CACNA2D3: variants seen among roughly 807,000 people sequenced by gnomAD.
CACNA2D3 encodes voltage-dependent calcium channel subunit alpha-2/delta-3.
CACNA2D3 carries 60 observed loss-of-function variants against 160.6 expected under a neutral mutation model. The observed-to-expected ratio is 0.37, with a 90% CI of 0.30 to 0.46. The LOEUF (loss-of-function observed/expected upper bound fraction) is 0.46, where lower values mean the gene tolerates loss of function less well. Among genes scored for constraint, CACNA2D3 ranks in the 20% least tolerant of loss-of-function variants. The pLI is 1.00. For synonymous variants in CACNA2D3, 558 were observed against 492.9 expected (o/e 1.13, Z -1.75); for missense variants, 1,205 against 1,365.0 (o/e 0.88, Z 1.85).
intron 8 of CACNA2D3, among the ~76,000 whole-genome samples, chr3:54,572,175 A>C (rs939606873): frequency 1.3e-5 from 2 of 152,174 alleles, no homozygotes; most frequent in Non-Finnish European, 2.9e-5. Context: ...TATCCTGCCT[A>C]TACAGGCCTC....
At chr3:54,967,760 G>A (rs956965982) in intron 27 of CACNA2D3, among the ~76,000 whole-genome samples, 2 of 152,114 alleles carry the variant, frequency 1.3e-5, no homozygotes, top group African/African-American at 4.8e-5. Flanking sequence ...TAGTTTTGAG[G>A]TTCCACTAAA....
At chr3:54,816,983 C>T in intron 14 of CACNA2D3, 113 bp downstream of exon 14, 4 of 1,271,402 alleles carry the variant, frequency 3.1e-6, no homozygotes, top group East Asian at 2.4e-5. Context: ...TTTTTTTCCA[C>T]AGCTTCAGAA....
intron 11 of CACNA2D3, among the ~76,000 whole-genome samples, chr3:54,695,593 T>A (rs1165238720): frequency 2.0e-5 from 3 of 152,198 alleles, no homozygotes; most frequent in Non-Finnish European, 4.4e-5. Context: ...TACCTGCTAG[T>A]TGTTGCTAGA....
intron 17 of CACNA2D3, among the ~76,000 whole-genome samples, chr3:54,855,847 C>A (rs1699157843): frequency 6.6e-6 from 1 of 152,158 alleles, no homozygotes; most frequent in African/African-American, 2.4e-5. Flanking sequence ...GTCTGGGAAC[C>A]ACTGCTGGGT....
chr3:54,522,883 G>A (rs1701666093), intron 5 of CACNA2D3, among the ~76,000 whole-genome samples: 1 of 151,818 alleles, frequency 6.6e-6, no homozygotes, highest in South Asian at 2.1e-4. Flanking sequence ...ATGAACTTTG[G>A]GGGACACATT....
At chr3:55,058,252 T>C (rs188246240) in intron 35 of CACNA2D3, among the ~76,000 whole-genome samples, 2 of 152,348 alleles carry the variant, frequency 1.3e-5, no homozygotes, top group African/African-American at 4.8e-5. Context: ...TTCCCTGGTA[T>C]ATTAATTCAA....
At chr3:55,021,158 A>G (rs1209109084) in intron 35 of CACNA2D3, among the ~76,000 whole-genome samples, 2 of 152,118 alleles carry the variant, frequency 1.3e-5, no homozygotes, top group Non-Finnish European at 2.9e-5. Context: ...GTGTGTATAC[A>G]TTTACAACTA....
chr3:54,148,974 C>CT (rs1553735007), intron 2 of CACNA2D3, among the ~76,000 whole-genome samples: 57,483 of 116,436 alleles, frequency 0.49, 14,076 homozygotes, highest in South Asian at 0.56. Flanking sequence ...AAAACTCCAT[C>CT]AAAAAAAAAA....
At chr3:54,180,394 A>G (rs1340083773) in intron 2 of CACNA2D3, among the ~76,000 whole-genome samples, 11 of 152,190 alleles carry the variant, frequency 7.2e-5, no homozygotes, top group Non-Finnish European at 5.9e-5. Flanking sequence ...GGCACACAAC[A>G]AAGATCTGTC....
intron 5 of CACNA2D3, among the ~76,000 whole-genome samples, chr3:54,517,006 G>A (rs1487185659): frequency 2.0e-5 from 3 of 152,208 alleles, no homozygotes; most frequent in Non-Finnish European, 4.4e-5. Context: ...CCCCAGAAAA[G>A]GCTGAGTTGG....
chr3:54,973,067 G>A (rs963666868), intron 29 of CACNA2D3, among the ~76,000 whole-genome samples: 3 of 152,184 alleles, frequency 2.0e-5, no homozygotes, highest in East Asian at 1.9e-4. Flanking sequence ...GGTAGTCAGC[G>A]AAGGCTTCTC....
chr3:55,018,437 T>C (rs2107157885), intron 35 of CACNA2D3, 120 bp downstream of exon 35: 1 of 641,336 alleles, frequency 1.6e-6, no homozygotes, highest in Admixed American at 2.5e-5. Flanking sequence ...GCTGCCCTCT[T>C]GCGTAAGGAA....
At chr3:54,626,684 C>CAAAAAAAAA (rs71096430) in intron 9 of CACNA2D3, 108 of 318,174 alleles carry the variant, frequency 3.4e-4, no homozygotes, top group African/African-American at 1.7e-3. Context: ...TGGTTCCAGT[C>CAAAAAAAAA]AAAAAAAAAA....
At chr3:54,164,197 C>G (rs552547662) in intron 2 of CACNA2D3, among the ~76,000 whole-genome samples, 46 of 152,190 alleles carry the variant, frequency 3.0e-4, no homozygotes, top group South Asian at 8.3e-4. Flanking sequence ...TGAGGGAAAT[C>G]AGAGGGTAGG....
chr3:55,051,257 G>A (rs1032179399), intron 35 of CACNA2D3, among the ~76,000 whole-genome samples: 1 of 152,162 alleles, frequency 6.6e-6, no homozygotes, highest in African/African-American at 2.4e-5. Flanking sequence ...GGTCTTTGAT[G>A]ATGGTGATGT....
chr3:55,019,482 A>G (rs1018283530), intron 35 of CACNA2D3, among the ~76,000 whole-genome samples: 1 of 152,056 alleles, frequency 6.6e-6, no homozygotes, highest in African/African-American at 2.4e-5. Flanking sequence ...ACAATTTTAT[A>G]ACTTTATATA....
chr3:54,644,313 A>T (rs1402204798), intron 11 of CACNA2D3, among the ~76,000 whole-genome samples: 1 of 151,954 alleles, frequency 6.6e-6, no homozygotes, highest in African/African-American at 2.4e-5. Flanking sequence ...GCAGAAGTGG[A>T]TTTTCTTTCT....
intron 11 of CACNA2D3, among the ~76,000 whole-genome samples, chr3:54,708,515 TG>T (rs1407171986): frequency 6.6e-6 from 1 of 152,176 alleles, no homozygotes; most frequent in African/African-American, 2.4e-5. Flanking sequence ...ACTGCCAAAT[TG>T]GTTGTTTATA....
intron 34 of CACNA2D3, among the ~76,000 whole-genome samples, chr3:55,010,082 C>A (rs1703176964): frequency 6.6e-6 from 1 of 152,024 alleles, no homozygotes. Context: ...ATGTTTAATG[C>A]TGTGAGAAAT....
Sources: allele counts gnomAD v4.1 joint callset (sites outside exome capture counted in the v4.1 genomes callset), GRCh38; gene constraint gnomAD v4.1.1; transcripts MANE v1.5; gene names NCBI Gene and HGNC (gene_info 2026-07-23, HGNC 2026-07-21).